The following ARID4A variants were observed in gnomAD, a reference collection of about 807,000 sequenced individuals.
ARID4A encodes AT-rich interaction domain 4A, also known as AT-rich interactive domain-containing protein 4A.
A neutral mutation model predicts 148.6 loss-of-function variants in ARID4A; 39 were observed. The observed-to-expected ratio is 0.26, with a 90% confidence interval of 0.20 to 0.34. The LOEUF (loss-of-function observed/expected upper bound fraction) is 0.34. Ranked by LOEUF, ARID4A falls within the 10% of genes least tolerant of loss-of-function variation. The pLI is 1.00. For missense variants in ARID4A, 1,265 were observed against 1,449.1 expected, an observed-to-expected ratio of 0.87 and a Z score of 2.06; for synonymous variants, 475 against 481.2, an observed-to-expected ratio of 0.99 and a Z score of 0.17.
chr14:58,301,689 A>G lies in ARID4A; in HGVS notation c.116A>G (p.Lys39Arg). The change falls in exon 3 of 24, where the codon AAG (lysine) becomes AGG (arginine). Residue 39 changes from lysine (K) to arginine (R), a missense_variant and splice_region_variant. Transcript: ENST00000355431. ...ACTGTGAAAAGGCTGGTGAAAGTTAAGGTAATATTTGTTTTTATGCAATAG... is the reference window on the plus strand; with the variant it reads ...ACTGTGAAAAGGCTGGTGAAAGTTAGGGTAATATTTGTTTTTATGCAATAG... ...IKTVKRLVKV[K>R]VLLKQDNTTQ... 6.2e-7 allele frequency: 1 copy of G among 1,610,570 alleles called. No individual in the cohort carries two copies. Among genetic ancestry groups the G allele is most frequent in the Non-Finnish European group, 8.5e-7 (1 of 1,177,120 alleles).
chr14:58,370,381 C>T (rs55771617), intron 23 of ARID4A, among the ~76,000 whole-genome samples: 2,294 of 152,296 alleles, frequency 0.015, 55 homozygotes, highest in African/African-American at 0.053. Flanking sequence ...ACTGCAGCCT[C>T]CGCCTCCCGG....
intron 17 of ARID4A, among the ~76,000 whole-genome samples, chr14:58,354,630 C>G (rs1594949326): frequency 6.6e-6 from 1 of 150,684 alleles, no homozygotes; most frequent in East Asian, 2.0e-4. Flanking sequence ...CTGAGATGAG[C>G]TATGATCATA....
intron 11 of ARID4A, among the ~76,000 whole-genome samples, chr14:58,331,996 C>CT (rs1491202172): frequency 1.9e-4 from 1 of 5,226 alleles, no homozygotes; most frequent in African/African-American, 3.9e-4. Context: ...ATTTTCCCTA[C>CT]CCCCCCCCCC....
chr14:58,360,937 G>C lies in ARID4A; in HGVS notation c.1975G>C (p.Glu659Gln). Reference sequence around the variant, plus strand: ...TAGTGAAAAGGACGAAAAGAGAGATGAGGAGAGGCAGAAGTCAAAACGGGG... The same window carrying C: ...TAGTGAAAAGGACGAAAAGAGAGATCAGGAGAGGCAGAAGTCAAAACGGGG... ...EDSEKDEKRDEERQKSKRGRP... is the reference protein window; with the variant it reads ...EDSEKDEKRDQERQKSKRGRP... The change falls in exon 19 of 24, where the codon GAG becomes CAG. Residue 659 changes from glutamate to glutamine, a missense_variant. This residue lies in a region of ARID4A where 666 missense variants were observed against 730.9 expected (regional missense o/e 0.91). Transcript: ENST00000355431. 1 of 1,614,158 alleles carries C rather than the reference G, an allele frequency of 6.2e-7. No individual in the cohort carries two copies. Among genetic ancestry groups the C allele is most frequent in the East Asian group, 2.2e-5 (1 of 44,870 alleles).
intron 1 of ARID4A, 115 bp from the exon 2 acceptor site, chr14:58,299,683 C>A: frequency 3.5e-6 from 3 of 858,496 alleles, no homozygotes; most frequent in East Asian, 2.5e-5. Context: ...GGGTCTTGTC[C>A]CTTGGCTGGT....
chr14:58,353,955 T>G (rs2034753646), intron 17 of ARID4A, 100 bp downstream of exon 17: 2 of 1,070,012 alleles, frequency 1.9e-6, no homozygotes, highest in Admixed American at 2.3e-5. Flanking sequence ...ATGGTACATA[T>G]TTACAAAGCA....
At chr14:58,310,536 G>A (rs935700636) in intron 5 of ARID4A, among the ~76,000 whole-genome samples, 7 of 152,048 alleles carry the variant, frequency 4.6e-5, no homozygotes, top group South Asian at 4.1e-4. Flanking sequence ...CAGTCTCTTC[G>A]TAAATGGTGT....
chr14:58,350,916 A>G (rs561186716), intron 15 of ARID4A, among the ~76,000 whole-genome samples, 157 bp from the exon 16 acceptor site: 6 of 152,302 alleles, frequency 3.9e-5, no homozygotes, highest in Middle Eastern at 3.4e-3. Context: ...TTATTCTTTT[A>G]CTTTCAAAAG....
At chr14:58,368,113 TC>T (rs2035437511) in intron 23 of ARID4A, among the ~76,000 whole-genome samples, 1 of 152,046 alleles carries the variant, frequency 6.6e-6, no homozygotes, top group Admixed American at 6.6e-5. Flanking sequence ...AATGAGGAAA[TC>T]AGTAGGCCTG....
chr14:58,299,558 C>G (rs905145301), intron 1 of ARID4A: 3 of 525,700 alleles, frequency 5.7e-6, no homozygotes, highest in Admixed American at 6.3e-5. Context: ...AAGTGGCCAG[C>G]GAGGCGGGGG....
chr14:58,353,585 G>A, intron 16 of ARID4A, 73 bp from the exon 17 acceptor site: 1 of 1,330,354 alleles, frequency 7.5e-7, no homozygotes, highest in Non-Finnish European at 1.1e-6. Flanking sequence ...TAATCTACCT[G>A]TTGGATTCTT....
chr14:58,371,717 A>T (rs1205894415), intron 23 of ARID4A, among the ~76,000 whole-genome samples, 169 bp from the exon 24 acceptor site: 2 of 152,226 alleles, frequency 1.3e-5, no homozygotes, highest in Non-Finnish European at 2.9e-5. Context: ...AACTCCACTT[A>T]ATTGAGCCAA....
At chr14:58,300,998 G>A (rs1412207898) in intron 2 of ARID4A, among the ~76,000 whole-genome samples, 23 of 152,098 alleles carry the variant, frequency 1.5e-4, no homozygotes, top group Admixed American at 1.4e-3. Context: ...TGGTAAACTA[G>A]GTATACCTAC....
chr14:58,360,284 A>G (rs1328512426), intron 18 of ARID4A, among the ~76,000 whole-genome samples: 3 of 152,204 alleles, frequency 2.0e-5, no homozygotes, highest in Non-Finnish European at 4.4e-5. Context: ...TTCCTCATTT[A>G]GACGGAATGG....
chr14:58,300,906 A>G (rs1395525521), intron 2 of ARID4A, among the ~76,000 whole-genome samples: 2 of 151,754 alleles, frequency 1.3e-5, no homozygotes, highest in South Asian at 2.1e-4. Context: ...ACATCTTTCT[A>G]TGTATCATTC....
intron 5 of ARID4A, among the ~76,000 whole-genome samples, chr14:58,310,960 A>G (rs1227443534): frequency 6.6e-6 from 1 of 151,986 alleles, no homozygotes; most frequent in African/African-American, 2.4e-5. Flanking sequence ...TAAAATGGGC[A>G]AAAGGCTGGG....
rs970623776 is a variant in ARID4A, at chr14:58,347,771, A to C, written c.1297A>C (p.Lys433Gln). The C allele has an allele frequency of 1.2e-6, 2 of 1,613,800 alleles. No individual in the cohort carries two copies. Among genetic ancestry groups the C allele is most frequent in the African/African-American group, 2.7e-5 (2 of 74,930 alleles). Residue 433 changes from lysine to glutamine, a missense_variant, in exon 15 of 24, where the codon AAA (lysine) becomes CAA (glutamine). By Grantham distance (53) the Lys-to-Gln change is moderately conservative. Coordinates refer to ENST00000355431, the MANE Select transcript of ARID4A (RefSeq NM_002892.4). Reference protein sequence around the residue: ...DLEESMEEALKLDQEMPLTEV... With the variant: ...DLEESMEEALQLDQEMPLTEV... ...AGAAGAATCAATGGAAGAGGCTCTC[A>C]AATTAGATCAAGAAATGCCTTTAAC...
At chr14:58,303,496 A>G in intron 3 of ARID4A, 1 of 470,388 alleles carries the variant, frequency 2.1e-6, no homozygotes. Flanking sequence ...GCTGTATTGC[A>G]GTTTGCTTTA....
rs189093883 is a variant in ARID4A, at chr14:58,321,062, G to C, written c.449+2257G>C. ...GAAAGCACAGCAAGAAGTATTATCA[G>C]TTTGTCCCATATCTGGTGATACTAA... On this transcript the variant is annotated intron_variant, in intron 7 of 23. Coordinates refer to ENST00000355431, the MANE Select transcript of ARID4A (RefSeq NM_002892.4). 2.6e-5 allele frequency among the ~76,000 whole-genome samples: 4 copies of C among 152,324 alleles called. No individual in the cohort carries two copies. In the East Asian group the frequency reaches 7.7e-4, roughly 29 times the overall value.
Sources: allele counts gnomAD v4.1 joint callset (sites outside exome capture counted in the v4.1 genomes callset), GRCh38; gene constraint gnomAD v4.1.1; regional missense constraint gnomAD v4.1.1; transcripts MANE v1.5; gene names NCBI Gene and HGNC (gene_info 2026-07-23, HGNC 2026-07-21).